The following SEMA3C variants were observed in gnomAD, a reference collection of about 807,000 sequenced individuals.
SEMA3C encodes the protein semaphorin 3C.
In SEMA3C, 47 loss-of-function variants were observed where a neutral mutation model predicts 89.4. The ratio of observed to expected loss-of-function variants is 0.53; its 90% CI spans 0.42 to 0.67. The LOEUF (loss-of-function observed/expected upper bound fraction) is 0.67. SEMA3C is among the 30% of genes least tolerant of loss of function. The probability of loss-of-function intolerance (pLI) is 0.00; values close to 1 mark genes in which losing one functional copy is unlikely to be tolerated. For synonymous variants in SEMA3C, 310 were observed against 320.2 expected (o/e 0.97, Z 0.34); for missense variants, 839 against 929.1 (o/e 0.90, Z 1.26).
chr7:80,855,146 T>G (rs1790608095), intron 2 of SEMA3C, among the ~76,000 whole-genome samples: 1 of 152,162 alleles, frequency 6.6e-6, no homozygotes. Context: ...ATGAAAAGAC[T>G]ATAAGTTATT....
intron 2 of SEMA3C, among the ~76,000 whole-genome samples, chr7:80,850,279 C>A (rs1790481152): frequency 6.6e-6 from 1 of 151,900 alleles, no homozygotes; most frequent in South Asian, 2.1e-4. Flanking sequence ...TACCAATGAC[C>A]CCACAATTCA....
intron 2 of SEMA3C, among the ~76,000 whole-genome samples, chr7:80,839,629 C>T (rs1488527632): frequency 4.6e-5 from 7 of 152,052 alleles, no homozygotes; most frequent in African/African-American, 1.7e-4. Context: ...TGTTAAAGGT[C>T]ATTCACAAAC....
intron 2 of SEMA3C, among the ~76,000 whole-genome samples, chr7:80,885,550 G>C (rs898976679): frequency 2.6e-5 from 4 of 152,192 alleles, no homozygotes; most frequent in African/African-American, 9.6e-5. Flanking sequence ...CCACAAAGTA[G>C]AGACTGCAGT....
intron 12 of SEMA3C, among the ~76,000 whole-genome samples, chr7:80,768,668 G>A (rs1351690514): frequency 6.6e-6 from 1 of 152,174 alleles, no homozygotes; most frequent in Non-Finnish European, 1.5e-5. Flanking sequence ...GTGGTTGGAG[G>A]TGTTCCTTAA....
chr7:80,806,178 T>C (rs922841197), intron 6 of SEMA3C, among the ~76,000 whole-genome samples: 4 of 152,132 alleles, frequency 2.6e-5, no homozygotes, highest in African/African-American at 9.6e-5. Flanking sequence ...TTTCTAACTT[T>C]GGTAATCCCT....
intron 2 of SEMA3C, among the ~76,000 whole-genome samples, chr7:80,907,018 A>G (rs1792031711): frequency 6.6e-6 from 1 of 152,204 alleles, no homozygotes. Context: ...TTAGATATCA[A>G]AATAGAAAAT....
intron 2 of SEMA3C, among the ~76,000 whole-genome samples, chr7:80,830,698 G>C (rs1190023362): frequency 6.6e-6 from 1 of 152,138 alleles, no homozygotes; most frequent in African/African-American, 2.4e-5. Flanking sequence ...TTTGGAAACA[G>C]GGGGCTTGGG....
At chr7:80,854,353 T>G (rs1790585325) in intron 2 of SEMA3C, among the ~76,000 whole-genome samples, 1 of 152,168 alleles carries the variant, frequency 6.6e-6, no homozygotes, top group Non-Finnish European at 1.5e-5. Flanking sequence ...GCTGTTCCTT[T>G]AACTGAGCAT....
At chr7:80,819,999 TG>T (rs11361244) in intron 4 of SEMA3C, among the ~76,000 whole-genome samples, 12,881 of 151,450 alleles carry the variant, frequency 0.085, 571 homozygotes, top group African/African-American at 0.099. Context: ...AATTTTTCCC[TG>T]GGTGGTCAGA....
At chr7:80,898,651 T>C (rs920040570) in intron 2 of SEMA3C, among the ~76,000 whole-genome samples, 5 of 151,994 alleles carry the variant, frequency 3.3e-5, no homozygotes, top group African/African-American at 1.2e-4. Flanking sequence ...TCACTCTGTA[T>C]TGAGAATCAG....
intron 5 of SEMA3C, among the ~76,000 whole-genome samples, chr7:80,813,375 C>A (rs1789516537): frequency 6.6e-6 from 1 of 152,172 alleles, no homozygotes; most frequent in Non-Finnish European, 1.5e-5. Flanking sequence ...CTTATCACAA[C>A]TGGTTCTGTC....
chr7:80,840,839 T>C (rs1173987042), intron 2 of SEMA3C, among the ~76,000 whole-genome samples: 1 of 152,044 alleles, frequency 6.6e-6, no homozygotes, highest in Admixed American at 6.6e-5. Context: ...CAAAGTATAG[T>C]AAAAGGGAGG....
upstream of SEMA3C, among the ~76,000 whole-genome samples, chr7:80,919,935 T>C (rs1792377219): frequency 6.6e-6 from 1 of 152,264 alleles, no homozygotes; most frequent in Non-Finnish European, 1.5e-5. Context: ...TTAATGGGTA[T>C]TGTTTCCTAT....
At chr7:80,777,679 A>G (rs1285571604) in intron 12 of SEMA3C, among the ~76,000 whole-genome samples, 2 of 152,172 alleles carry the variant, frequency 1.3e-5, no homozygotes, top group African/African-American at 4.8e-5. Context: ...TCTACATACC[A>G]CACTGCCATA....
chr7:80,842,803 T>C (rs1480302524), intron 2 of SEMA3C, among the ~76,000 whole-genome samples: 1 of 152,154 alleles, frequency 6.6e-6, no homozygotes, highest in Non-Finnish European at 1.5e-5. Context: ...CATTATGCCA[T>C]ACAATCAGAA....
chr7:80,833,792 G>A (rs1394414627), intron 2 of SEMA3C, among the ~76,000 whole-genome samples: 1 of 151,228 alleles, frequency 6.6e-6, no homozygotes, highest in African/African-American at 2.4e-5. Flanking sequence ...TTAGAACATA[G>A]AGATGAGCTC....
At chr7:80,846,056 AG>A (rs1206545704) in intron 2 of SEMA3C, among the ~76,000 whole-genome samples, 1 of 152,178 alleles carries the variant, frequency 6.6e-6, no homozygotes, top group Non-Finnish European at 1.5e-5. Context: ...ATGCAAATTC[AG>A]GGTGTCACTG....
chr7:80,755,163 G>A (rs1040397103), intron 15 of SEMA3C, among the ~76,000 whole-genome samples: 1 of 150,870 alleles, frequency 6.6e-6, no homozygotes, highest in Middle Eastern at 3.2e-3. Context: ...TTAATATCAG[G>A]CATGATATTG....
At chr7:80,769,683 C>T (rs1788381947) in intron 12 of SEMA3C, among the ~76,000 whole-genome samples, 1 of 151,968 alleles carries the variant, frequency 6.6e-6, no homozygotes, top group African/African-American at 2.4e-5. Flanking sequence ...CATGGCGAAA[C>T]CCTGTCTCTA....
Sources: allele counts gnomAD v4.1 joint callset (sites outside exome capture counted in the v4.1 genomes callset), GRCh38; gene constraint gnomAD v4.1.1; transcripts MANE v1.5; gene names NCBI Gene and HGNC (gene_info 2026-07-23, HGNC 2026-07-21).